PTPRK: variants seen among roughly 807,000 people sequenced by gnomAD.
PTPRK encodes the protein receptor-type tyrosine-protein phosphatase kappa.
A neutral mutation model predicts 178.0 loss-of-function variants in PTPRK; 75 were observed. The ratio of observed to expected loss-of-function variants is 0.42; its 90% CI spans 0.35 to 0.51. PTPRK has a LOEUF of 0.51. Among genes scored for constraint, PTPRK ranks in the 20% least tolerant of loss-of-function variants. The pLI is 0.02. For missense variants in PTPRK, 1,441 were observed against 1,797.8 expected (o/e 0.80, Z 3.59); for synonymous variants, 637 against 620.6 (o/e 1.03, Z -0.39).
At chr6:127,981,011 T>G in intron 25 of PTPRK, 105 bp downstream of exon 25, 1 of 1,164,964 alleles carries the variant, frequency 8.6e-7, no homozygotes, top group Non-Finnish European at 1.2e-6. Context: ...CCACTTTTCC[T>G]TTTTAGGTTA....
intron 5 of PTPRK, chr6:128,238,183 GCCA>G: frequency 4.7e-6 from 1 of 211,236 alleles, no homozygotes; most frequent in South Asian, 3.7e-5. Flanking sequence ...TGTAGCAAAC[GCCA>G]AAAAAAAAAA....
At chr6:128,327,259 T>C (rs989171997) in intron 2 of PTPRK, among the ~76,000 whole-genome samples, 7 of 152,210 alleles carry the variant, frequency 4.6e-5, no homozygotes, top group African/African-American at 1.2e-4. Context: ...TCATGATAAA[T>C]AGATTTCCAT....
chr6:128,369,595 A>G (rs941008270), intron 2 of PTPRK, among the ~76,000 whole-genome samples: 1 of 152,164 alleles, frequency 6.6e-6, no homozygotes, highest in Admixed American at 6.5e-5. Flanking sequence ...TTAGTAGGTT[A>G]AATGTTAATA....
chr6:128,510,978 C>T (rs556099290), intron 1 of PTPRK, among the ~76,000 whole-genome samples: 1 of 151,980 alleles, frequency 6.6e-6, no homozygotes, highest in African/African-American at 2.4e-5. Flanking sequence ...GGGCAACTTA[C>T]GTCAAATGAA....
intron 6 of PTPRK, among the ~76,000 whole-genome samples, chr6:128,190,201 G>A (rs142963443): frequency 3.3e-5 from 5 of 152,196 alleles, no homozygotes; most frequent in African/African-American, 1.2e-4. Context: ...TACACTGCCA[G>A]TTTAAAAACT....
At chr6:128,387,980 C>A (rs1048054271) in intron 2 of PTPRK, among the ~76,000 whole-genome samples, 1 of 151,586 alleles carries the variant, frequency 6.6e-6, no homozygotes, top group Admixed American at 6.6e-5. Context: ...ATCTCATAAT[C>A]TTTGAAGAAA....
intron 6 of PTPRK, among the ~76,000 whole-genome samples, chr6:128,210,103 C>A (rs984339294): frequency 6.6e-6 from 1 of 151,678 alleles, no homozygotes; most frequent in Non-Finnish European, 1.5e-5. Flanking sequence ...TAGAAGTACA[C>A]GAAAGAGAAG....
chr6:128,462,269 AT>A (rs1191942696), intron 1 of PTPRK, among the ~76,000 whole-genome samples: 1 of 152,242 alleles, frequency 6.6e-6, no homozygotes, highest in Non-Finnish European at 1.5e-5. Flanking sequence ...TAAAAATATA[AT>A]TAAATCTACA....
intron 3 of PTPRK, among the ~76,000 whole-genome samples, chr6:128,278,401 C>T (rs1821127176): frequency 6.6e-6 from 1 of 152,050 alleles, no homozygotes; most frequent in African/African-American, 2.4e-5. Flanking sequence ...TGTGATCTGC[C>T]CACCTTGGCC....
chr6:127,996,511 G>A (rs7749365), intron 17 of PTPRK, among the ~76,000 whole-genome samples: 1,869 of 152,160 alleles, frequency 0.012, 32 homozygotes, highest in African/African-American at 0.043. Flanking sequence ...TCGCTTTGTC[G>A]CCCAGGCTGG....
intron 7 of PTPRK, among the ~76,000 whole-genome samples, chr6:128,113,199 C>T (rs909487411): frequency 1.3e-5 from 2 of 151,892 alleles, no homozygotes; most frequent in African/African-American, 4.8e-5. Context: ...TATACAAAGA[C>T]AGACACAAAA....
At chr6:128,458,036 G>T (rs1584806734) in intron 1 of PTPRK, among the ~76,000 whole-genome samples, 1 of 152,096 alleles carries the variant, frequency 6.6e-6, no homozygotes, top group Admixed American at 6.6e-5. Context: ...AAATAGTAGA[G>T]AAGGCAAGAA....
chr6:128,122,912 G>A (rs1792706770), intron 7 of PTPRK, among the ~76,000 whole-genome samples: 1 of 152,106 alleles, frequency 6.6e-6, no homozygotes, highest in South Asian at 2.1e-4. Context: ...CATGCAGATG[G>A]TTGAACACTT....
In PTPRK at chr6:128,493,571, A is replaced by AT. The variant is rs1329630600; in HGVS notation, c.100+26687_100+26688insA. ...GCGAGACTCCGTCTCAAAAAAAAAA[A>AT]AAAAGTACCTCCCGCCCCCTACACA... On this transcript the variant is annotated intron_variant, in intron 1 of 29. Transcript: ENST00000368226. Among the ~76,000 whole-genome samples, 494 of 147,766 alleles carry AT rather than the reference A, an allele frequency of 3.3e-3. 3 individuals are homozygous for AT. The highest frequency in any genetic ancestry group is 0.012 in the African/African-American group (467 of 39,694).
rs757173218 is a variant in PTPRK at position 128,370,474 on chromosome 6, A to G, written c.223+27092T>C. 5.9e-5 allele frequency among the ~76,000 whole-genome samples: 9 copies of G among 152,070 alleles called. No individual in the cohort carries two copies. The East Asian group carries it at 1.7e-3, about 29-fold the overall frequency. ...CCTTTATAGGCCTTTAGGGTCTCAA[A>G]TATTTTTTCATAGTAATATTATTCA... On this transcript the variant is annotated intron_variant, in intron 2 of 29. Coordinates refer to ENST00000368226, the MANE Select transcript of PTPRK (RefSeq NM_002844.4).
chr6:128,454,171 C>A (rs1270091573), intron 1 of PTPRK, among the ~76,000 whole-genome samples: 5 of 152,130 alleles, frequency 3.3e-5, no homozygotes, highest in African/African-American at 1.2e-4. Flanking sequence ...CTATGAACCA[C>A]AAAAAGGGCC....
chr6:128,266,367 G>A (rs1818948674), intron 3 of PTPRK, among the ~76,000 whole-genome samples: 1 of 152,198 alleles, frequency 6.6e-6, no homozygotes, highest in East Asian at 1.9e-4. Flanking sequence ...CCAGTGGTCT[G>A]GCAGTGACTG....
intron 1 of PTPRK, among the ~76,000 whole-genome samples, chr6:128,440,605 G>T (rs569610806): frequency 6.6e-6 from 1 of 151,998 alleles, no homozygotes; most frequent in Admixed American, 6.6e-5. Context: ...ATCTGTATGC[G>T]TGTGTGTATA....
intron 6 of PTPRK, among the ~76,000 whole-genome samples, chr6:128,217,869 C>T (rs914027595): frequency 1.3e-5 from 2 of 152,128 alleles, no homozygotes; most frequent in African/African-American, 4.8e-5. Flanking sequence ...GATATTTTTG[C>T]TAAAGTCTCT....
Sources: allele counts gnomAD v4.1 joint callset (sites outside exome capture counted in the v4.1 genomes callset), GRCh38; gene constraint gnomAD v4.1.1; transcripts MANE v1.5; gene names NCBI Gene and HGNC (gene_info 2026-07-23, HGNC 2026-07-21).